Variants in CNTNAP2 observed in about 807,000 individuals in gnomAD.
The protein encoded by CNTNAP2 is contactin associated protein 2, also known as contactin-associated protein-like 2.
Under a neutral mutation model 155.2 loss-of-function variants are expected in CNTNAP2, and 98 were observed. The observed-to-expected ratio is 0.63, with a 90% confidence interval of 0.54 to 0.75. The LOEUF (loss-of-function observed/expected upper bound fraction) is 0.75. Ranked by LOEUF, CNTNAP2 falls within the 30% of genes least tolerant of loss-of-function variation. The pLI, the probability that CNTNAP2 is intolerant of heterozygous loss-of-function variation, is 0.00. For missense variants in CNTNAP2, 1,727 were observed against 1,688.1 expected (o/e 1.02, Z -0.40); for synonymous variants, 651 against 631.2 (o/e 1.03, Z -0.47).
At chr7:148,362,306 C>T (rs181687275) in intron 21 of CNTNAP2, among the ~76,000 whole-genome samples, 7 of 152,272 alleles carry the variant, frequency 4.6e-5, no homozygotes, top group East Asian at 1.9e-4. Context: ...CCCCCAGGTC[C>T]CTCCCTTGAC....
chr7:146,629,799 T>C lies in CNTNAP2; in HGVS notation c.98-144472T>C, dbSNP rs1799480913. On this transcript the variant is annotated intron_variant, in intron 1 of 23. Transcript: ENST00000361727. ...ACAACAAGAAGAAACTGGAGGCTTA[T>C]GTTTTGAGACTGGTTCACACAGAAA... is the stretch of plus-strand genomic sequence containing the variant. Among the ~76,000 whole-genome samples, 4 of 152,308 alleles carry C rather than the reference T, an allele frequency of 2.6e-5. 1 individual carries two copies. In the South Asian group the frequency reaches 6.2e-4, roughly 24 times the overall value.
intron 15 of CNTNAP2, among the ~76,000 whole-genome samples, chr7:148,080,869 G>A (rs1300203062): frequency 6.6e-6 from 1 of 152,162 alleles, no homozygotes; most frequent in African/African-American, 2.4e-5. Flanking sequence ...TCTCAAAGCT[G>A]TGTGAATTGT....
chr7:148,089,657 A>G (rs1803799849), intron 15 of CNTNAP2, among the ~76,000 whole-genome samples: 1 of 151,922 alleles, frequency 6.6e-6, no homozygotes, highest in Non-Finnish European at 1.5e-5. Flanking sequence ...AAGTAAGTGG[A>G]AAGATATCCC....
At position 147,263,260 on chromosome 7, in the gene CNTNAP2, C is replaced by G. The variant is rs1019483457; in HGVS notation, c.1349-36881C>G. Among the ~76,000 whole-genome samples, 4 of 151,990 alleles carry G rather than the reference C, an allele frequency of 2.6e-5. No individual in the cohort carries two copies. In the East Asian group the frequency reaches 7.8e-4, roughly 29 times the overall value. On this transcript the variant is annotated intron_variant, in intron 8 of 23. Coordinates refer to ENST00000361727, the MANE Select transcript of CNTNAP2 (RefSeq NM_014141.6). ...GGTCCCAGCTACTCTACCCTGAAGG[C>G]TGAAGTGGGAGGATAGCTTCAGCCC...
intron 15 of CNTNAP2, among the ~76,000 whole-genome samples, chr7:148,011,385 T>C (rs1802078256): frequency 6.6e-6 from 1 of 152,232 alleles, no homozygotes; most frequent in South Asian, 2.1e-4. Context: ...CTGCCCACTC[T>C]CTAGAGAGTA....
intron 15 of CNTNAP2, among the ~76,000 whole-genome samples, chr7:148,109,340 A>G (rs1194683237): frequency 1.3e-5 from 2 of 148,868 alleles, no homozygotes; most frequent in Admixed American, 1.3e-4. Context: ...ATGAACTGGG[A>G]AAGAAGAGAG....
At chr7:146,453,735 T>C in intron 1 of CNTNAP2, among the ~76,000 whole-genome samples, 1 of 152,204 alleles carries the variant, frequency 6.6e-6, no homozygotes, top group Non-Finnish European at 1.5e-5. Context: ...ACAGAAGATA[T>C]AAAAGAGACT....
intron 8 of CNTNAP2, among the ~76,000 whole-genome samples, chr7:147,247,279 G>A (rs1301774089): frequency 6.6e-6 from 1 of 152,118 alleles, no homozygotes; most frequent in Non-Finnish European, 1.5e-5. Context: ...ACATTGTACT[G>A]TTTGCAGGTC....
intron 1 of CNTNAP2, among the ~76,000 whole-genome samples, chr7:146,337,864 A>G (rs1004176468): frequency 2.0e-5 from 3 of 152,250 alleles, no homozygotes; most frequent in Non-Finnish European, 4.4e-5. Context: ...TTACACATAA[A>G]TGAGTTTGAA....
At chr7:146,903,808 A>G (rs922365907) in intron 3 of CNTNAP2, among the ~76,000 whole-genome samples, 1 of 152,198 alleles carries the variant, frequency 6.6e-6, no homozygotes, top group Non-Finnish European at 1.5e-5. Flanking sequence ...CTTGCCCCGC[A>G]TAGTGACTGC....
At chr7:147,946,653 C>T (rs534769421) in intron 14 of CNTNAP2, among the ~76,000 whole-genome samples, 2 of 151,856 alleles carry the variant, frequency 1.3e-5, no homozygotes, top group Non-Finnish European at 2.9e-5. Context: ...GAGAAATAGT[C>T]GCTGAAGTCA....
intron 2 of CNTNAP2, among the ~76,000 whole-genome samples, chr7:146,795,958 C>T (rs2129190231): frequency 6.6e-6 from 1 of 152,142 alleles, no homozygotes; most frequent in African/African-American, 2.4e-5. Context: ...TAAAGAAATA[C>T]AATTTGAAAT....
chr7:146,163,243 T>C (rs931590790), intron 1 of CNTNAP2, among the ~76,000 whole-genome samples: 1 of 151,856 alleles, frequency 6.6e-6, no homozygotes, highest in Non-Finnish European at 1.5e-5. Flanking sequence ...AAATTTTCTT[T>C]GTTACATTCT....
intron 3 of CNTNAP2, among the ~76,000 whole-genome samples, chr7:147,036,360 A>G (rs1799151582): frequency 6.6e-6 from 1 of 152,204 alleles, no homozygotes; most frequent in African/African-American, 2.4e-5. Context: ...TTAAAACTTC[A>G]GGGATGTTTA....
intron 1 of CNTNAP2, among the ~76,000 whole-genome samples, chr7:146,639,135 G>A (rs1799662452): frequency 6.6e-6 from 1 of 152,166 alleles, no homozygotes; most frequent in Non-Finnish European, 1.5e-5. Context: ...TGCCTCAGGT[G>A]CCAATTATGT....
intron 9 of CNTNAP2, among the ~76,000 whole-genome samples, chr7:147,321,308 C>A (rs1274734862): frequency 6.6e-6 from 1 of 152,172 alleles, no homozygotes; most frequent in African/African-American, 2.4e-5. Context: ...TGGTAGATAA[C>A]CCTTACCTGA....
intron 3 of CNTNAP2, among the ~76,000 whole-genome samples, chr7:147,030,122 T>A (rs1032479949): frequency 6.6e-6 from 1 of 152,228 alleles, no homozygotes; most frequent in Non-Finnish European, 1.5e-5. Context: ...GAGCTGAATA[T>A]CTATCTGCAT....
At chr7:146,859,389 G>A (rs1795053012) in intron 3 of CNTNAP2, among the ~76,000 whole-genome samples, 1 of 152,074 alleles carries the variant, frequency 6.6e-6, no homozygotes, top group Non-Finnish European at 1.5e-5. Flanking sequence ...GGGTGCAGTG[G>A]CTCACACCTG....
chr7:147,499,300 G>A (rs887254743), intron 11 of CNTNAP2, among the ~76,000 whole-genome samples: 20 of 151,992 alleles, frequency 1.3e-4, no homozygotes, highest in Admixed American at 2.6e-4. Context: ...AGGCCGAGGT[G>A]GGTAGATCAT....
Sources: gnomAD v4.1 joint callset for allele counts (sites outside exome capture counted in the v4.1 genomes callset) on GRCh38, gnomAD v4.1.1 for gene constraint, MANE v1.5 for transcripts, NCBI Gene and HGNC (gene_info 2026-07-23, HGNC 2026-07-21) for gene names.